GPC6: variants seen among roughly 807,000 people sequenced by gnomAD.
GPC6 encodes glypican-6.
In GPC6, 14 loss-of-function variants were observed where a neutral mutation model predicts 55.2. That is an observed-to-expected ratio of 0.25 (90% CI 0.17 to 0.40). The LOEUF is 0.40. GPC6 is among the 10% of genes least tolerant of loss of function. The pLI, the probability that GPC6 is intolerant of heterozygous loss-of-function variation, is 1.00. For synonymous variants in GPC6, 278 were observed against 259.6 expected, an observed-to-expected ratio of 1.07 and a Z score of -0.68; for missense variants, 641 against 708.5, an observed-to-expected ratio of 0.90 and a Z score of 1.08.
intron 4 of GPC6, among the ~76,000 whole-genome samples, chr13:94,040,577 C>T (rs1883495917): frequency 6.6e-6 from 1 of 151,820 alleles, no homozygotes; most frequent in Non-Finnish European, 1.5e-5. Context: ...ATTTGTAACA[C>T]AAGAAAATGC....
chr13:93,613,515 CACACACACACACAAA>C (rs1202280345), intron 2 of GPC6, among the ~76,000 whole-genome samples: 1 of 138,660 alleles, frequency 7.2e-6, no homozygotes, highest in African/African-American at 2.7e-5. Context: ...AGCAAACACA[CACACACACACACAAA>C]ACACACACAC....
At chr13:93,940,450 A>G (rs777804741) in intron 3 of GPC6, among the ~76,000 whole-genome samples, 2 of 151,872 alleles carry the variant, frequency 1.3e-5, no homozygotes, top group Non-Finnish European at 2.9e-5. Flanking sequence ...GGATGGATGA[A>G]TGGATGAATA....
chr13:93,478,308 A>G (rs1023988355), intron 1 of GPC6, among the ~76,000 whole-genome samples: 1 of 152,184 alleles, frequency 6.6e-6, no homozygotes, highest in Non-Finnish European at 1.5e-5. Flanking sequence ...AATAATGCCT[A>G]AATGTGCTTG....
chr13:94,116,206 T>C (rs1396416807), intron 4 of GPC6, among the ~76,000 whole-genome samples: 2 of 152,104 alleles, frequency 1.3e-5, no homozygotes, highest in African/African-American at 2.4e-5. Flanking sequence ...GGGAACTTCA[T>C]GTATCTTAAC....
intron 4 of GPC6, among the ~76,000 whole-genome samples, chr13:94,031,122 G>T (rs934300226): frequency 2.6e-5 from 4 of 151,798 alleles, no homozygotes; most frequent in Non-Finnish European, 5.9e-5. Context: ...GTGTGTGTGT[G>T]TGTGTGTTCT....
chr13:93,541,964 C>G (rs1211909744), intron 1 of GPC6, among the ~76,000 whole-genome samples: 3 of 151,996 alleles, frequency 2.0e-5, no homozygotes, highest in Non-Finnish European at 4.4e-5. Flanking sequence ...TTTTTCCCAT[C>G]TTGTAGGTTG....
the GPC6 span, among the ~76,000 whole-genome samples, chr13:93,220,204 G>A: frequency 6.6e-6 from 1 of 152,176 alleles, no homozygotes; most frequent in Non-Finnish European, 1.5e-5. Context: ...ACGAAAGTTA[G>A]CATCATGTGA....
At chr13:93,491,002 C>T (rs1879981056) in intron 1 of GPC6, among the ~76,000 whole-genome samples, 1 of 72,010 alleles carries the variant, frequency 1.4e-5, no homozygotes, top group Non-Finnish European at 2.7e-5. Context: ...GTCTTTATAG[C>T]AGCATGATTT....
At chr13:94,264,755 C>G (rs1260472183) in intron 4 of GPC6, among the ~76,000 whole-genome samples, 1 of 152,148 alleles carries the variant, frequency 6.6e-6, no homozygotes, top group Non-Finnish European at 1.5e-5. Context: ...TTTCATGCTG[C>G]TGATACAGTC....
At chr13:93,460,254 T>C (rs1878629239) in intron 1 of GPC6, among the ~76,000 whole-genome samples, 1 of 151,928 alleles carries the variant, frequency 6.6e-6, no homozygotes, top group Admixed American at 6.5e-5. Context: ...TTTGTGTCTC[T>C]GTTTTTTGAC....
At chr13:93,425,215 C>A (rs2139265395) in intron 1 of GPC6, among the ~76,000 whole-genome samples, 1 of 152,140 alleles carries the variant, frequency 6.6e-6, no homozygotes, top group Admixed American at 6.6e-5. Context: ...TTACTTTTTG[C>A]CTCAGCTTTT....
In GPC6 at chr13:94,010,181, A is replaced by G. The variant is rs1882188991; in HGVS notation, c.712-17548A>G. Reference sequence around the variant, plus strand: ...TGGCTGTCCTGATGAAGTCTGGGGGAAAAAATGTTGAAAAAGTAAATGCCA... The same window carrying G: ...TGGCTGTCCTGATGAAGTCTGGGGGGAAAAATGTTGAAAAAGTAAATGCCA... On this transcript the variant is annotated intron_variant, in intron 3 of 8. Transcript: ENST00000377047. Among the ~76,000 whole-genome samples, 2 of 152,100 alleles carry G rather than the reference A, an allele frequency of 1.3e-5. 1 individual carries two copies. The highest frequency in any genetic ancestry group is 4.1e-4 in the South Asian group (2 of 4,824).
chr13:94,326,473 C>G (rs1566678250), intron 6 of GPC6, among the ~76,000 whole-genome samples: 1 of 152,082 alleles, frequency 6.6e-6, no homozygotes, highest in African/African-American at 2.4e-5. Flanking sequence ...AAAGTAGAAT[C>G]AGACTCCTTG....
At chr13:93,431,367 T>G in intron 1 of GPC6, among the ~76,000 whole-genome samples, 1 of 152,096 alleles carries the variant, frequency 6.6e-6, no homozygotes, top group East Asian at 1.9e-4. Context: ...AACATGAAGG[T>G]TAGCCATATG....
chr13:93,293,690 A>T (rs1184463281), intron 1 of GPC6, among the ~76,000 whole-genome samples: 2 of 152,070 alleles, frequency 1.3e-5, no homozygotes, highest in Non-Finnish European at 2.9e-5. Context: ...TATCTTGAAA[A>T]TTTGTTTTAT....
chr13:93,476,091 A>G (rs1391920652), intron 1 of GPC6, among the ~76,000 whole-genome samples: 2 of 152,094 alleles, frequency 1.3e-5, no homozygotes, highest in Admixed American at 1.3e-4. Flanking sequence ...ATTTTATGGG[A>G]AAATCAATTC....
In GPC6 at chr13:93,287,156, T is replaced by A. The variant is rs537696787; in HGVS notation, c.160+59540T>A. On this transcript the variant is annotated intron_variant, in intron 1 of 8. Transcript: ENST00000377047. ...GCAAATATTACAAAATCTGAACATGTCTGAAACCTTGGGTCCACATTCTGG... is the reference window on the plus strand; with the variant it reads ...GCAAATATTACAAAATCTGAACATGACTGAAACCTTGGGTCCACATTCTGG... Among the ~76,000 whole-genome samples the A allele has an allele frequency of 6.1e-4, 93 of 152,282 alleles. 1 individual carries two copies. In the South Asian group the frequency reaches 7.7e-3, roughly 13 times the overall value.
intron 3 of GPC6, among the ~76,000 whole-genome samples, chr13:93,942,566 C>T (rs1594607222): frequency 6.6e-6 from 1 of 152,310 alleles, no homozygotes; most frequent in East Asian, 1.9e-4. Context: ...AAGCAATCCA[C>T]CCACCTCGGC....
chr13:93,539,288 A>G (rs901363577), intron 1 of GPC6, among the ~76,000 whole-genome samples: 1 of 152,188 alleles, frequency 6.6e-6, no homozygotes, highest in Non-Finnish European at 1.5e-5. Flanking sequence ...TGTGGGTATC[A>G]TAATCACTTT....
Sources: allele counts gnomAD v4.1 joint callset (sites outside exome capture counted in the v4.1 genomes callset), GRCh38; gene constraint gnomAD v4.1.1; transcripts MANE v1.5; gene names NCBI Gene and HGNC (gene_info 2026-07-23, HGNC 2026-07-21).